Variants in FIGN observed in about 807,000 individuals in gnomAD.
The protein encoded by FIGN is fidgetin.
A neutral mutation model predicts 51.3 loss-of-function variants in FIGN; 11 were observed. The ratio of observed to expected loss-of-function variants is 0.21; its 90% CI spans 0.13 to 0.35. The LOEUF (loss-of-function observed/expected upper bound fraction) is 0.35. Among genes scored for constraint, FIGN ranks in the 10% least tolerant of loss-of-function variants. FIGN has a pLI of 1.00. For missense variants in FIGN, 857 were observed against 943.6 expected (o/e 0.91, Z 1.20); for synonymous variants, 407 against 363.2 (o/e 1.12, Z -1.37).
intron 2 of FIGN, among the ~76,000 whole-genome samples, chr2:163,653,816 C>CA (rs1553497440): frequency 6.6e-6 from 1 of 151,976 alleles, no homozygotes; most frequent in Non-Finnish European, 1.5e-5. Flanking sequence ...TTTTACAGGA[C>CA]TTTTTTTAAA....
chr2:163,622,523 G>A (rs979723752), intron 2 of FIGN, among the ~76,000 whole-genome samples: 22 of 151,716 alleles, frequency 1.5e-4, no homozygotes, highest in Non-Finnish European at 2.8e-4. Flanking sequence ...TTTAGAAGAC[G>A]GGGATATTTT....
At chr2:163,677,999 T>G (rs1325189361) in intron 2 of FIGN, among the ~76,000 whole-genome samples, 3 of 152,222 alleles carry the variant, frequency 2.0e-5, no homozygotes, top group Non-Finnish European at 4.4e-5. Flanking sequence ...GAAAAGATAG[T>G]AGAGTTGCTA....
At chr2:163,729,800 T>C (rs750718388) in intron 2 of FIGN, among the ~76,000 whole-genome samples, 5 of 152,166 alleles carry the variant, frequency 3.3e-5, no homozygotes, top group Non-Finnish European at 5.9e-5. Flanking sequence ...TTAACATAAA[T>C]ACATCTAAAT....
At chr2:163,669,269 G>T (rs1683837851) in intron 2 of FIGN, among the ~76,000 whole-genome samples, 1 of 152,036 alleles carries the variant, frequency 6.6e-6, no homozygotes. Flanking sequence ...GGTGTGCAGT[G>T]GCCCAATTAC....
chr2:163,704,657 C>CTCTCTCTCTCTCTG (rs1684469195), intron 2 of FIGN, among the ~76,000 whole-genome samples: 2 of 103,186 alleles, frequency 1.9e-5, no homozygotes, highest in Non-Finnish European at 3.8e-5. Flanking sequence ...CTCTCTCTCT[C>CTCTCTCTCTCTCTG]ACACACACAC....
chr2:163,657,387 G>A (rs1683578016), intron 2 of FIGN, among the ~76,000 whole-genome samples: 1 of 152,060 alleles, frequency 6.6e-6, no homozygotes, highest in Non-Finnish European at 1.5e-5. Context: ...CCTACGCATT[G>A]ATGAATTCCA....
At chr2:163,725,885 C>G (rs1361053980) in intron 2 of FIGN, among the ~76,000 whole-genome samples, 1 of 151,792 alleles carries the variant, frequency 6.6e-6, no homozygotes, top group Non-Finnish European at 1.5e-5. Context: ...AAAAAATTAC[C>G]AAAAGAATTT....
chr2:163,634,123 T>TGTGTGTGTGTG, intron 2 of FIGN, among the ~76,000 whole-genome samples: 2 of 151,182 alleles, frequency 1.3e-5, no homozygotes, highest in African/African-American at 2.4e-5. Flanking sequence ...TGTGTGTGTG[T>TGTGTGTGTGTG]TTGGCTCACT....
rs77730805 is a variant in FIGN, at chr2:163,691,614, G to A, written c.25+43289C>T. Among the ~76,000 whole-genome samples, 331 of 152,232 alleles carry A rather than the reference G, an allele frequency of 2.2e-3. 10 individuals carry two copies. The East Asian group carries it at 0.053, about 24-fold the overall frequency. On this transcript the variant is annotated intron_variant, in intron 2 of 2. Coordinates refer to ENST00000333129, the MANE Select transcript of FIGN (RefSeq NM_018086.4). ...GAGAAACTAACACCAGTAAGTCAGA[G>A]AGTGGCATCCTTCCATGAGTGGTTA...
intron 2 of FIGN, among the ~76,000 whole-genome samples, chr2:163,687,386 A>G (rs959483007): frequency 1.3e-5 from 2 of 152,218 alleles, no homozygotes; most frequent in Non-Finnish European, 1.5e-5. Context: ...AGAGCAGAAC[A>G]CACTGTCAAT....
At chr2:163,697,104 C>T (rs1460679) in intron 2 of FIGN, among the ~76,000 whole-genome samples, 88,086 of 109,642 alleles carry the variant, frequency 0.8, 33,369 homozygotes, top group Middle Eastern at 0.85. Context: ...TCTTTTCTTT[C>T]TTTTTTTTTT....
intron 2 of FIGN, among the ~76,000 whole-genome samples, chr2:163,632,708 C>T (rs1385911433): frequency 2.0e-5 from 3 of 152,078 alleles, no homozygotes; most frequent in Non-Finnish European, 4.4e-5. Flanking sequence ...AGGAACTATG[C>T]CAGAAGGAGT....
chr2:163,672,967 C>A (rs962676748), intron 2 of FIGN, among the ~76,000 whole-genome samples: 11 of 152,076 alleles, frequency 7.2e-5, no homozygotes, highest in Non-Finnish European at 1.5e-5. Context: ...CAATAGGGGA[C>A]CAAAAAGTTA....
chr2:163,629,184 T>A (rs1292098277), intron 2 of FIGN, among the ~76,000 whole-genome samples: 1 of 151,878 alleles, frequency 6.6e-6, no homozygotes, highest in Non-Finnish European at 1.5e-5. Flanking sequence ...GAGTAGGAAA[T>A]GAGGATTGGA....
intron 2 of FIGN, among the ~76,000 whole-genome samples, chr2:163,723,089 G>T (rs1573973246): frequency 6.6e-6 from 1 of 151,952 alleles, no homozygotes; most frequent in Non-Finnish European, 1.5e-5. Flanking sequence ...TGCTGGGGAG[G>T]CTGAGGCAGG....
chr2:163,682,011 C>T (rs1684072689), intron 2 of FIGN, among the ~76,000 whole-genome samples: 1 of 152,116 alleles, frequency 6.6e-6, no homozygotes, highest in Non-Finnish European at 1.5e-5. Flanking sequence ...TGCAGTTTGG[C>T]CTTGCTTTCA....
rs74502054 is a variant in FIGN at position 163,674,273 on chromosome 2, C to T, written c.25+60630G>A. 2.4e-3 allele frequency among the ~76,000 whole-genome samples: 365 copies of T among 152,138 alleles called. 9 individuals are homozygous for T. The South Asian group carries it at 0.05, about 21-fold the overall frequency. On this transcript the variant is annotated intron_variant, in intron 2 of 2. Transcript: ENST00000333129. ...CCAGCTGAATGTGCGTGTGTGCGTG[C>T]GTGTGTGTTTTACAGTTTTTGTTGT... is the stretch of plus-strand genomic sequence containing the variant.
intron 2 of FIGN, among the ~76,000 whole-genome samples, chr2:163,682,617 T>C (rs1238368104): frequency 5.3e-5 from 8 of 152,216 alleles, no homozygotes; most frequent in African/African-American, 1.9e-4. Flanking sequence ...GAGGCAGAAG[T>C]AGGATGAGAC....
chr2:163,641,167 G>C (rs79636445), intron 2 of FIGN, among the ~76,000 whole-genome samples: 1 of 152,140 alleles, frequency 6.6e-6, no homozygotes, highest in Non-Finnish European at 1.5e-5. Context: ...AGAGTAGGCC[G>C]CCATAGCTGC....
Sources: allele counts gnomAD v4.1 joint callset (sites outside exome capture counted in the v4.1 genomes callset), GRCh38; gene constraint gnomAD v4.1.1; transcripts MANE v1.5; gene names NCBI Gene and HGNC (gene_info 2026-07-23, HGNC 2026-07-21).